ARHGEF28: variants seen among roughly 807,000 people sequenced by gnomAD.
ARHGEF28 encodes the protein Rho guanine nucleotide exchange factor 28.
A neutral mutation model predicts 206.6 loss-of-function variants in ARHGEF28; 152 were observed. The observed-to-expected ratio is 0.74, with a 90% CI of 0.64 to 0.84. The LOEUF (loss-of-function observed/expected upper bound fraction) is 0.84. ARHGEF28 is among the 40% of genes least tolerant of loss of function. ARHGEF28 has a pLI of 0.00. For missense variants in ARHGEF28, 2,028 were observed against 2,073.2 expected, an observed-to-expected ratio of 0.98 and a Z score of 0.42; for synonymous variants, 763 against 776.4, an observed-to-expected ratio of 0.98 and a Z score of 0.29.
chr5:73,792,637 C>CCA, intron 7 of ARHGEF28, among the ~76,000 whole-genome samples: 1 of 141,030 alleles, frequency 7.1e-6, no homozygotes, highest in African/African-American at 2.6e-5. Flanking sequence ...GGTTATCCTT[C>CCA]CCTTCTTTTT....
At chr5:73,922,305 C>T (rs1763563534) in intron 35 of ARHGEF28, among the ~76,000 whole-genome samples, 1 of 152,234 alleles carries the variant, frequency 6.6e-6, no homozygotes, top group African/African-American at 2.4e-5. Flanking sequence ...TCACTTTCAA[C>T]TGCAAGAGGC....
At chr5:73,830,415 G>C (rs1440327983) in intron 9 of ARHGEF28, among the ~76,000 whole-genome samples, 1 of 152,048 alleles carries the variant, frequency 6.6e-6, no homozygotes, top group Non-Finnish European at 1.5e-5. Context: ...TTAACTGGGT[G>C]TGGTGGCGGG....
intron 8 of ARHGEF28, among the ~76,000 whole-genome samples, chr5:73,794,727 C>A (rs1398991593): frequency 2.0e-5 from 3 of 151,736 alleles, no homozygotes; most frequent in African/African-American, 7.3e-5. Context: ...CTGCCTCACC[C>A]TCCTGAGTAG....
chr5:73,870,281 G>T (rs1474644807), intron 21 of ARHGEF28, 72 bp downstream of exon 21: 2 of 1,483,500 alleles, frequency 1.3e-6, no homozygotes, highest in East Asian at 4.8e-5. Context: ...ATTTGCAACT[G>T]TGCAGAGTTG....
intron 26 of ARHGEF28, among the ~76,000 whole-genome samples, chr5:73,889,563 A>G (rs1257030462): frequency 6.6e-6 from 1 of 152,278 alleles, no homozygotes. Flanking sequence ...TGCAGGCTGA[A>G]GTTCCAAATA....
At chr5:73,936,613 A>G (rs1438718574) in intron 35 of ARHGEF28, among the ~76,000 whole-genome samples, 1 of 152,236 alleles carries the variant, frequency 6.6e-6, no homozygotes, top group Admixed American at 6.5e-5. Flanking sequence ...TCAATCCTTC[A>G]TGAGCTGAAG....
At chr5:73,851,807 A>C (rs1003390359) in intron 13 of ARHGEF28, among the ~76,000 whole-genome samples, 1 of 152,216 alleles carries the variant, frequency 6.6e-6, no homozygotes, top group Non-Finnish European at 1.5e-5. Context: ...TTCCTATTAC[A>C]TACAAGATAG....
intron 35 of ARHGEF28, among the ~76,000 whole-genome samples, chr5:73,938,004 C>T (rs1764513250): frequency 6.6e-6 from 1 of 152,170 alleles, no homozygotes; most frequent in Admixed American, 6.5e-5. Flanking sequence ...GAGTTCCCGT[C>T]CAGGTGACAT....
chr5:73,849,025 C>A lies in ARHGEF28; in HGVS notation c.1685C>A (p.Pro562His). 1.3e-6 allele frequency: 2 copies of A among 1,580,088 alleles called. No individual in the cohort carries two copies. Among genetic ancestry groups the A allele is most frequent in the African/African-American group, 1.3e-5 (1 of 74,326 alleles). The change falls in exon 13 of 36, where the codon CCC becomes CAC. Residue 562 changes from proline to histidine, a missense_variant. By Grantham distance (77) the Pro-to-His change is moderately conservative. Around this residue, in one of 3 missense-constraint regions of ARHGEF28, gnomAD observed 1,002 missense variants for 1,015.3 expected, o/e 0.99. Coordinates refer to ENST00000513042, the MANE Select transcript of ARHGEF28 (RefSeq NM_001177693.2). ...TCACGTTCTTATTCTTGCTCATCAC[C>A]CAAAATTTCTTTAGGAAAAACTCGT... ...VRSRSYSCSS[P>H]KISLGKTRLV...
chr5:73,840,811 A>G, intron 11 of ARHGEF28, 51 bp downstream of exon 11: 1 of 1,510,982 alleles, frequency 6.6e-7, no homozygotes, highest in South Asian at 1.3e-5. Flanking sequence ...AGAACCTTAT[A>G]GGTAGACTTC....
chr5:73,905,487 A>G (rs1290627657), intron 33 of ARHGEF28, among the ~76,000 whole-genome samples: 2 of 152,194 alleles, frequency 1.3e-5, no homozygotes, highest in Non-Finnish European at 2.9e-5. Flanking sequence ...AATTTGTAGA[A>G]AAATTTGAGA....
chr5:73,708,119 C>A (rs1561347823), intron 2 of ARHGEF28, among the ~76,000 whole-genome samples: 1 of 151,910 alleles, frequency 6.6e-6, no homozygotes, highest in African/African-American at 2.4e-5. Flanking sequence ...GATTTACCAA[C>A]TAGATAAAGA....
intron 13 of ARHGEF28, among the ~76,000 whole-genome samples, chr5:73,851,433 C>T (rs1408303510): frequency 4.0e-5 from 6 of 149,238 alleles, no homozygotes; most frequent in East Asian, 3.9e-4. Flanking sequence ...GCCAAGAGTA[C>T]GATGATGGCA....
chr5:73,800,844 G>A (rs1285222287), intron 9 of ARHGEF28, among the ~76,000 whole-genome samples: 1 of 152,108 alleles, frequency 6.6e-6, no homozygotes, highest in Non-Finnish European at 1.5e-5. Context: ...AAAGGGAACT[G>A]GTAGGAAATG....
chr5:73,937,799 A>G (rs1419424582), intron 35 of ARHGEF28, among the ~76,000 whole-genome samples: 1 of 152,176 alleles, frequency 6.6e-6, no homozygotes, highest in Non-Finnish European at 1.5e-5. Context: ...TGATGATCAT[A>G]TTCTCTAGGG....
At chr5:73,668,857 G>A (rs1476231797) in intron 1 of ARHGEF28, among the ~76,000 whole-genome samples, 1 of 152,152 alleles carries the variant, frequency 6.6e-6, no homozygotes, top group East Asian at 1.9e-4. Flanking sequence ...AGTCTATTCA[G>A]CAGTCTTTGG....
At chr5:73,921,681 G>A (rs1256537452) in intron 35 of ARHGEF28, among the ~76,000 whole-genome samples, 1 of 152,034 alleles carries the variant, frequency 6.6e-6, no homozygotes, top group Non-Finnish European at 1.5e-5. Flanking sequence ...TTACACTATG[G>A]CTTTTTCTTT....
At chr5:73,691,296 T>TACACACACACAC (rs57854737) in intron 2 of ARHGEF28, among the ~76,000 whole-genome samples, 2 of 149,764 alleles carry the variant, frequency 1.3e-5, no homozygotes, top group African/African-American at 4.9e-5. Context: ...GGCAAATGTG[T>TACACACACACAC]ACACACACAC....
At chr5:73,639,230 T>C (rs1743916084) in intron 1 of ARHGEF28, among the ~76,000 whole-genome samples, 1 of 145,894 alleles carries the variant, frequency 6.9e-6, no homozygotes, top group Admixed American at 6.8e-5. Flanking sequence ...TTCTATTACA[T>C]ATATATATAT....
Sources: gnomAD v4.1 joint callset for allele counts (sites outside exome capture counted in the v4.1 genomes callset) on GRCh38, gnomAD v4.1.1 for gene constraint, gnomAD v4.1.1 regional missense constraint, MANE v1.5 for transcripts, NCBI Gene and HGNC (gene_info 2026-07-23, HGNC 2026-07-21) for gene names.